Variants in POC1B observed in about 807,000 individuals in gnomAD.
POC1B encodes POC1 centriolar protein B.
In POC1B, 44 loss-of-function variants were observed where a neutral mutation model predicts 60.6. The observed-to-expected ratio is 0.73, with a 90% confidence interval of 0.57 to 0.93. POC1B has a LOEUF of 0.93. Among genes scored for constraint, POC1B ranks in the 40% least tolerant of loss-of-function variants. POC1B has a pLI of 0.00. For synonymous variants in POC1B, 180 were observed against 198.9 expected (o/e 0.90, Z 0.80); for missense variants, 555 against 572.3 (o/e 0.97, Z 0.31).
At chr12:89,525,052 C>T in intron 2 of POC1B, 68 bp downstream of exon 2, 1 of 1,602,380 alleles carries the variant, frequency 6.2e-7, no homozygotes, top group Non-Finnish European at 8.5e-7. Context: ...CCTGCCCGGA[C>T]AGGAGGAAAG....
rs1344679961 is a variant in POC1B at position 89,471,725 on chromosome 12, C to A, written c.565G>T (p.Ala189Ser). 4.5e-6 allele frequency: 7 copies of A among 1,554,262 alleles called. No individual in the cohort carries two copies. The highest frequency in any genetic ancestry group is 6.1e-6 in the Non-Finnish European group (7 of 1,146,172). Residue 189 changes from alanine to serine, a missense_variant, in exon 6 of 12, where the codon GCA (alanine) becomes TCA (serine). By Grantham distance (99) the Ala-to-Ser change is moderately conservative (BLOSUM62 1). Coordinates refer to ENST00000313546, the MANE Select transcript of POC1B (RefSeq NM_172240.3). ...CTAGGGTTAAAGTCCACAAAATTTG[C>A]AAATCTAGGAGGAAAGAATAAGATG... ...VNNFSDSVGF[A>S]NFVDFNPSGT... is the part of the protein sequence containing the mutation.
intron 3 of POC1B, among the ~76,000 whole-genome samples, chr12:89,492,492 A>G (rs988720418): frequency 3.9e-5 from 6 of 152,204 alleles, no homozygotes; most frequent in African/African-American, 1.4e-4. Flanking sequence ...AGGCATTTTC[A>G]CCTTACATTG....
Position 89,421,268 on chromosome 12 carries a change from G to A in POC1B, c.1333-11C>T. On this transcript the variant is annotated splice_polypyrimidine_tract_variant and intron_variant, in intron 11 of 11. Transcript: ENST00000313546. ...CAAGATTGAAACAGTCTGCAAAAAG[G>A]AGGATAAAATAATCAATGCCTGGTC... 3 of 1,576,544 alleles carry A rather than the reference G, an allele frequency of 1.9e-6. No individual in the cohort carries two copies. The highest frequency in any genetic ancestry group is 2.6e-6 in the Non-Finnish European group (3 of 1,151,542).
downstream of POC1B, among the ~76,000 whole-genome samples, chr12:89,416,055 T>A (rs1270964827): frequency 6.6e-6 from 1 of 152,196 alleles, no homozygotes; most frequent in African/African-American, 2.4e-5. Context: ...CTTCAATAAA[T>A]GAAAATAAAA....
chr12:89,487,819 G>A (rs994772351), intron 4 of POC1B, among the ~76,000 whole-genome samples: 13 of 152,068 alleles, frequency 8.5e-5, no homozygotes, highest in Non-Finnish European at 1.6e-4. Context: ...TCAGCTCTGG[G>A]ACTGAAACGG....
At chr12:89,412,199 G>A in the POC1B span, among the ~76,000 whole-genome samples, 4 of 152,242 alleles carry the variant, frequency 2.6e-5, no homozygotes, top group South Asian at 2.1e-4. Flanking sequence ...ATCTGGCATC[G>A]AGCTTCACAA....
At chr12:89,450,643 TC>T (rs1316741890) in intron 10 of POC1B, among the ~76,000 whole-genome samples, 1 of 152,128 alleles carries the variant, frequency 6.6e-6, no homozygotes, top group Non-Finnish European at 1.5e-5. Flanking sequence ...AACTCACAAG[TC>T]ACTAAAAAAT....
At chr12:89,412,357 CTT>C in the POC1B span, among the ~76,000 whole-genome samples, 107 of 138,004 alleles carry the variant, frequency 7.8e-4, no homozygotes, top group Admixed American at 1.0e-3. Flanking sequence ...TTTCTTTTTT[CTT>C]TTTTTTTTTT....
At chr12:89,523,869 A>T (rs1871158095) in intron 2 of POC1B, 1 of 1,567,942 alleles carries the variant, frequency 6.4e-7, no homozygotes, top group Non-Finnish European at 8.6e-7. Context: ...CACAGTGACA[A>T]TCCAGGAAAG....
intron 2 of POC1B, among the ~76,000 whole-genome samples, chr12:89,512,466 G>C (rs990935899): frequency 9.2e-5 from 14 of 152,156 alleles, no homozygotes; most frequent in Non-Finnish European, 1.9e-4. Context: ...TCAATACTGC[G>C]TAAGTATCAA....
intron 10 of POC1B, among the ~76,000 whole-genome samples, chr12:89,452,699 G>A (rs10858865): frequency 0.19 from 29,392 of 151,818 alleles, 3,260 homozygotes; most frequent in South Asian, 0.36. Context: ...TTATTTGAAG[G>A]GGGGGAAAAG....
At chr12:89,409,137 T>G in the POC1B span, among the ~76,000 whole-genome samples, 1 of 152,230 alleles carries the variant, frequency 6.6e-6, no homozygotes, top group Admixed American at 6.5e-5. Context: ...AGACCCTATT[T>G]GTCACATTTT....
intron 10 of POC1B, among the ~76,000 whole-genome samples, chr12:89,429,753 C>A (rs1880952954): frequency 6.6e-6 from 1 of 152,138 alleles, no homozygotes; most frequent in Non-Finnish European, 1.5e-5. Flanking sequence ...AATAAACAAG[C>A]AGACAGAACA....
At chr12:89,471,529 C>T (rs1009444206) in intron 6 of POC1B, 85 bp downstream of exon 6, 1 of 1,112,742 alleles carries the variant, frequency 9.0e-7, no homozygotes, top group Non-Finnish European at 1.3e-6. Context: ...CCAAGTAAGA[C>T]AGCCAAACCA....
chr12:89,524,669 C>A, intron 2 of POC1B: 2 of 1,077,114 alleles, frequency 1.9e-6, no homozygotes, highest in Non-Finnish European at 2.7e-6. Context: ...CATGCAGGCG[C>A]TAGGCTCCTT....
chr12:89,460,618 T>A (rs141938899), intron 9 of POC1B: 1 of 152,312 alleles, frequency 6.6e-6, no homozygotes, highest in African/African-American at 2.4e-5. Context: ...CAGTGACAAA[T>A]TCACTGGAAT....
In POC1B at chr12:89,445,611, A is replaced by G. The variant is rs1183700601; in HGVS notation, c.1113+14027T>C. 3.3e-5 allele frequency among the ~76,000 whole-genome samples: 5 copies of G among 152,206 alleles called. 1 individual carries two copies. In the South Asian group the frequency reaches 1.0e-3, roughly 31 times the overall value. On this transcript the variant is annotated intron_variant, in intron 10 of 11. Coordinates refer to ENST00000313546, the MANE Select transcript of POC1B (RefSeq NM_172240.3). ...CACCTTATACAAAAATTAATTCAAG[A>G]TGGATTAAAGACTTAAATGTTACAC...
chr12:89,409,382 C>A, the POC1B span, among the ~76,000 whole-genome samples: 1 of 152,174 alleles, frequency 6.6e-6, no homozygotes, highest in African/African-American at 2.4e-5. Flanking sequence ...AACAGGGAAT[C>A]CTTTCCCCAT....
the POC1B span, among the ~76,000 whole-genome samples, chr12:89,407,609 AC>A: frequency 6.6e-6 from 1 of 152,210 alleles, no homozygotes; most frequent in Admixed American, 6.5e-5. Flanking sequence ...CAGGGGCCAA[AC>A]AAAACATGTC....
Sources: gnomAD v4.1 joint callset for allele counts (sites outside exome capture counted in the v4.1 genomes callset) on GRCh38, gnomAD v4.1.1 for gene constraint, MANE v1.5 for transcripts, NCBI Gene and HGNC (gene_info 2026-07-23, HGNC 2026-07-21) for gene names.